The following TTLL5 variants were observed in gnomAD, a reference collection of about 807,000 sequenced individuals.
TTLL5 encodes tubulin polyglutamylase TTLL5.
In TTLL5, 132 loss-of-function variants were observed where a neutral mutation model predicts 168.4. That is an observed-to-expected ratio of 0.78 (90% CI 0.68 to 0.91). TTLL5 has a LOEUF of 0.91. Ranked by LOEUF, TTLL5 falls within the 40% of genes least tolerant of loss-of-function variation. TTLL5 has a pLI of 0.00. For synonymous variants in TTLL5, 546 were observed against 558.6 expected, an observed-to-expected ratio of 0.98 and a Z score of 0.32; for missense variants, 1,545 against 1,581.5, an observed-to-expected ratio of 0.98 and a Z score of 0.39.
At chr14:75,699,599 G>A (rs563553828) in intron 7 of TTLL5, among the ~76,000 whole-genome samples, 99 of 152,258 alleles carry the variant, frequency 6.5e-4, no homozygotes, top group Middle Eastern at 3.4e-3. Context: ...AATTGATAGC[G>A]TATGTGTTTA....
At chr14:75,726,812 AACAG>A (rs1205690891) in intron 12 of TTLL5, among the ~76,000 whole-genome samples, 3 of 152,206 alleles carry the variant, frequency 2.0e-5, no homozygotes, top group African/African-American at 7.2e-5. Flanking sequence ...TCTTGTAGCT[AACAG>A]ACAGCCACTG....
intron 15 of TTLL5, among the ~76,000 whole-genome samples, chr14:75,740,365 A>T (rs987087642): frequency 6.6e-6 from 1 of 152,190 alleles, no homozygotes; most frequent in African/African-American, 2.4e-5. Context: ...AGTTAGGTTT[A>T]CCAGGCAGTA....
At chr14:75,910,020 A>G (rs949992692) in intron 31 of TTLL5, among the ~76,000 whole-genome samples, 2 of 152,238 alleles carry the variant, frequency 1.3e-5, no homozygotes, top group African/African-American at 4.8e-5. Context: ...GAATAGGGGT[A>G]CTTCTAAGAA....
At chr14:75,782,862 A>T (rs1892138590) in intron 25 of TTLL5, among the ~76,000 whole-genome samples, 1 of 152,078 alleles carries the variant, frequency 6.6e-6, no homozygotes, top group Admixed American at 6.5e-5. Context: ...CTTCATCTTG[A>T]TGTCCTAACA....
intron 31 of TTLL5, among the ~76,000 whole-genome samples, chr14:75,932,343 A>G (rs999470939): frequency 1.3e-5 from 2 of 152,222 alleles, no homozygotes; most frequent in African/African-American, 2.4e-5. Context: ...TAACTTCACT[A>G]TATACTGATG....
chr14:75,811,467 C>A (rs1258558765), intron 27 of TTLL5, among the ~76,000 whole-genome samples: 2 of 152,106 alleles, frequency 1.3e-5, no homozygotes, highest in Admixed American at 1.3e-4. Context: ...TAGGCCCAGC[C>A]CAGATGCCAT....
chr14:75,873,264 C>T (rs1412478051), intron 29 of TTLL5, among the ~76,000 whole-genome samples: 2 of 151,946 alleles, frequency 1.3e-5, no homozygotes, highest in Non-Finnish European at 2.9e-5. Context: ...TTAATAGAGA[C>T]GGGGTTTCAC....
At chr14:75,873,074 C>CTT (rs71119401) in intron 29 of TTLL5, among the ~76,000 whole-genome samples, 2 of 110,348 alleles carry the variant, frequency 1.8e-5, no homozygotes, top group South Asian at 3.1e-4. Context: ...ATCTCCAGAA[C>CTT]TTTTTTTTTT....
At chr14:75,803,350 T>G (rs888533839) in intron 27 of TTLL5, 4 of 152,232 alleles carry the variant, frequency 2.6e-5, no homozygotes, top group African/African-American at 7.2e-5. Flanking sequence ...AAGAAATCTG[T>G]GTGGCAAAAA....
At chr14:75,783,072 A>T (rs1371850628) in intron 25 of TTLL5, 75 bp from the exon 26 acceptor site, 9 of 1,409,638 alleles carry the variant, frequency 6.4e-6, no homozygotes, top group Middle Eastern at 1.8e-4. Flanking sequence ...TTTATGTTTT[A>T]AAAATATTTG....
At chr14:75,834,113 A>G (rs938800759) in intron 28 of TTLL5, among the ~76,000 whole-genome samples, 2 of 152,208 alleles carry the variant, frequency 1.3e-5, no homozygotes, top group African/African-American at 4.8e-5. Context: ...CAGTACAAAA[A>G]ACATGCTAGT....
chr14:75,871,699 T>C (rs1402797246), intron 29 of TTLL5, among the ~76,000 whole-genome samples: 1 of 152,166 alleles, frequency 6.6e-6, no homozygotes, highest in African/African-American at 2.4e-5. Context: ...TCTGTAGGTA[T>C]ATGAGGGACT....
intron 27 of TTLL5, among the ~76,000 whole-genome samples, chr14:75,812,364 G>A (rs757282509): frequency 5.3e-5 from 8 of 152,186 alleles, no homozygotes; most frequent in Admixed American, 3.3e-4. Context: ...CAGCTAGAGG[G>A]AGGCAGGGGC....
At chr14:75,846,231 A>G (rs2139867208) in intron 28 of TTLL5, among the ~76,000 whole-genome samples, 1 of 152,332 alleles carries the variant, frequency 6.6e-6, no homozygotes, top group Admixed American at 6.5e-5. Flanking sequence ...TTAAATAGAT[A>G]TAAACCAGCA....
intron 15 of TTLL5, among the ~76,000 whole-genome samples, chr14:75,737,018 A>G (rs1224225224): frequency 6.6e-6 from 1 of 152,244 alleles, no homozygotes; most frequent in East Asian, 1.9e-4. Context: ...ATAAAGGATC[A>G]TGAACATTTC....
intron 28 of TTLL5, among the ~76,000 whole-genome samples, chr14:75,826,403 T>C (rs1028053201): frequency 6.6e-6 from 1 of 151,704 alleles, no homozygotes; most frequent in African/African-American, 2.4e-5. Context: ...AAAATGGTTA[T>C]GATGGTACAT....
At chr14:75,689,578 T>G (rs551887687) in intron 5 of TTLL5, 5 of 152,312 alleles carry the variant, frequency 3.3e-5, no homozygotes, top group Admixed American at 3.3e-4. Context: ...TCTCCAAAAA[T>G]TAAACAATCC....
intron 26 of TTLL5, among the ~76,000 whole-genome samples, chr14:75,784,272 AG>A (rs1892240759): frequency 6.6e-6 from 1 of 152,180 alleles, no homozygotes; most frequent in Admixed American, 6.6e-5. Context: ...TTTTTATATA[AG>A]TAAAATCATA....
chr14:75,864,839 T>G (rs1279803058), intron 29 of TTLL5, among the ~76,000 whole-genome samples: 2 of 152,160 alleles, frequency 1.3e-5, no homozygotes, highest in African/African-American at 4.8e-5. Context: ...GCAAAATTAT[T>G]TACTCAAAGA....
Sources: gnomAD v4.1 joint callset for allele counts (sites outside exome capture counted in the v4.1 genomes callset) on GRCh38, gnomAD v4.1.1 for gene constraint, MANE v1.5 for transcripts, NCBI Gene and HGNC (gene_info 2026-07-23, HGNC 2026-07-21) for gene names.